ZNF169: variants seen among roughly 807,000 people sequenced by gnomAD.
The protein encoded by ZNF169 is zinc finger protein 169.
In ZNF169, 11 loss-of-function variants were observed where a neutral mutation model predicts 12.0. The observed-to-expected ratio is 0.92, with a 90% CI of 0.58 to 1.52. The LOEUF is 1.52. Ranked by LOEUF, ZNF169 falls within the 40% of genes most tolerant of loss-of-function variation. The probability of loss-of-function intolerance (pLI) is 0.00; values close to 1 mark genes in which losing one functional copy is unlikely to be tolerated. For synonymous variants in ZNF169, 302 were observed against 286.5 expected (o/e 1.05, Z -0.55); for missense variants, 722 against 744.0 (o/e 0.97, Z 0.34).
intron 1 of ZNF169, among the ~76,000 whole-genome samples, chr9:94,270,862 AT>A (rs1230582753): frequency 1.9e-4 from 6 of 30,972 alleles, no homozygotes; most frequent in Admixed American, 6.7e-4. Flanking sequence ...AATATATATA[AT>A]AATATATATA....
intron 1 of ZNF169, among the ~76,000 whole-genome samples, chr9:94,266,397 G>A (rs10993127): frequency 0.085 from 12,895 of 152,200 alleles, 1,055 homozygotes; most frequent in East Asian, 0.37. Flanking sequence ...TCGTTGTTAC[G>A]GAGCATCGAA....
chr9:94,270,101 G>A (rs188796913), intron 1 of ZNF169, among the ~76,000 whole-genome samples: 1 of 152,264 alleles, frequency 6.6e-6, no homozygotes, highest in East Asian at 1.9e-4. Context: ...AAAGGCCTAG[G>A]CAAAACTCTT....
chr9:94,285,777 A>G (rs1401430055), intron 2 of ZNF169, among the ~76,000 whole-genome samples: 1 of 152,134 alleles, frequency 6.6e-6, no homozygotes, highest in Non-Finnish European at 1.5e-5. Context: ...TGGGAGGCTG[A>G]AGTGGGCGGG....
In ZNF169 at chr9:94,301,088, G is replaced by A. The variant is rs755967640; in HGVS notation, c.1530G>A (p.Glu510=). The A allele has an allele frequency of 1.2e-6, 2 of 1,614,102 alleles. No homozygotes were observed. The highest frequency in any genetic ancestry group is 1.7e-6 in the Non-Finnish European group (2 of 1,180,008). ...CCCGACACCAGAGGACACACTCAGA[G>A]GAGGAGCTTTACGTAGACAGGGTGT... The part of the protein sequence containing the change: ...LLTRHQRTHS[E]EELYVDRVCG... Residue 510 remains glutamate (E), a synonymous_variant, in exon 5 of 5, where the codon GAG becomes GAA. Transcript: ENST00000395395.
At chr9:94,276,745 A>G (rs1830527647) in intron 1 of ZNF169, among the ~76,000 whole-genome samples, 1 of 151,966 alleles carries the variant, frequency 6.6e-6, no homozygotes, top group Non-Finnish European at 1.5e-5. Flanking sequence ...AGCTCTTTTT[A>G]TTGTATTTTT....
At chr9:94,294,365 G>A (rs927079593) in intron 4 of ZNF169, 11 of 152,214 alleles carry the variant, frequency 7.2e-5, no homozygotes, top group African/African-American at 2.7e-4. Flanking sequence ...TTGAATCCGG[G>A]AGGCGGACGT....
rs570567753 is a variant in ZNF169 at position 94,299,870 on chromosome 9, G to T, written c.312G>T (p.Ser104=). The T allele has an allele frequency of 3.1e-6, 5 of 1,613,910 alleles. No homozygotes were observed. The highest frequency in any genetic ancestry group is 2.7e-5 in the African/African-American group (2 of 74,872). Residue 104 remains serine (S), a synonymous_variant, in exon 5 of 5, where the codon TCG becomes TCT. Coordinates refer to ENST00000395395, the MANE Select transcript of ZNF169 (RefSeq NM_194320.4). ...SFPHLVAFSS[S]QLLRQYALSG... is the part of the protein sequence containing the mutation. Reference sequence around the variant, plus strand: ...CCCACCTGGTGGCCTTTTCTAGCTCGCAGCTCCTCAGACAATATGCGCTAA... The same window carrying T: ...CCCACCTGGTGGCCTTTTCTAGCTCTCAGCTCCTCAGACAATATGCGCTAA...
chr9:94,271,335 A>T (rs571774158), intron 1 of ZNF169, among the ~76,000 whole-genome samples: 12 of 151,728 alleles, frequency 7.9e-5, no homozygotes, highest in Non-Finnish European at 2.9e-5. Context: ...GAGTTCAAGC[A>T]ATCCACCTGC....
chr9:94,268,767 CA>C (rs1279679680), intron 1 of ZNF169, among the ~76,000 whole-genome samples: 2 of 126,292 alleles, frequency 1.6e-5, no homozygotes, highest in African/African-American at 3.2e-5. Flanking sequence ...GCCTGGGTGA[CA>C]AAGTGAGACT....
chr9:94,293,160 G>A (rs773146603), intron 4 of ZNF169, 91 bp downstream of exon 4: 1 of 1,196,822 alleles, frequency 8.4e-7, no homozygotes, highest in Admixed American at 1.9e-5. Flanking sequence ...GTGCTAGGAG[G>A]AAGTTCTTCT....
chr9:94,268,263 A>G (rs970712691), intron 1 of ZNF169, among the ~76,000 whole-genome samples: 9 of 152,168 alleles, frequency 5.9e-5, no homozygotes, highest in South Asian at 2.1e-4. Flanking sequence ...CACAATTGAC[A>G]AGGAAATCTG....
At chr9:94,285,738 G>C (rs759615469) in intron 2 of ZNF169, among the ~76,000 whole-genome samples, 10 of 152,080 alleles carry the variant, frequency 6.6e-5, no homozygotes, top group Non-Finnish European at 1.2e-4. Flanking sequence ...GGCCAGGCAC[G>C]GTAGCTCACG....
intron 2 of ZNF169, among the ~76,000 whole-genome samples, chr9:94,283,461 A>G (rs533957268): frequency 1.3e-5 from 2 of 152,286 alleles, no homozygotes; most frequent in East Asian, 3.9e-4. Context: ...TCCTTCCCCA[A>G]AAGCAACTAA....
intron 4 of ZNF169, chr9:94,299,430 T>C: frequency 4.4e-6 from 3 of 678,580 alleles, no homozygotes; most frequent in Non-Finnish European, 6.3e-6. Context: ...TCATAATCAG[T>C]CTGTTTCTTA....
chr9:94,272,677 C>T (rs145352022), intron 1 of ZNF169, among the ~76,000 whole-genome samples: 13 of 152,116 alleles, frequency 8.5e-5, no homozygotes, highest in African/African-American at 2.4e-4. Flanking sequence ...TTTCTTTATC[C>T]GTTCATACAT....
chr9:94,270,198 G>C (rs1830364696), intron 1 of ZNF169, among the ~76,000 whole-genome samples: 1 of 152,168 alleles, frequency 6.6e-6, no homozygotes, highest in Non-Finnish European at 1.5e-5. Flanking sequence ...TGAAGCAGTT[G>C]TTAGTGATAC....
At chr9:94,262,701 C>T (rs1041335379) in intron 1 of ZNF169, among the ~76,000 whole-genome samples, 2 of 152,068 alleles carry the variant, frequency 1.3e-5, no homozygotes, top group East Asian at 1.9e-4. Context: ...CCTCGTGATC[C>T]GCCTGCCTCG....
At chr9:94,298,888 C>A (rs948397216) in intron 4 of ZNF169, among the ~76,000 whole-genome samples, 46 of 152,058 alleles carry the variant, frequency 3.0e-4, no homozygotes, top group African/African-American at 1.1e-3. Context: ...AACCTAGAAA[C>A]AAAATTTTTT....
In ZNF169 at chr9:94,298,786, A is replaced by G. The variant is rs183982028; in HGVS notation, c.257-1029A>G. Among the ~76,000 whole-genome samples the G allele has an allele frequency of 1.1e-4, 17 of 152,118 alleles. No individual in the cohort carries two copies. The East Asian group carries it at 3.3e-3, about 29-fold the overall frequency. ...TAATTACCTAGGAGTTACGGTATCA[A>G]CTTACGGAAGCTGAAAGCACTGCCA... On this transcript the variant is annotated intron_variant, in intron 4 of 4. Coordinates refer to ENST00000395395, the MANE Select transcript of ZNF169 (RefSeq NM_194320.4).
Sources: allele counts gnomAD v4.1 joint callset (sites outside exome capture counted in the v4.1 genomes callset), GRCh38; gene constraint gnomAD v4.1.1; transcripts MANE v1.5; gene names NCBI Gene and HGNC (gene_info 2026-07-23, HGNC 2026-07-21).